The following P4HA1 variants were observed in gnomAD, a reference collection of about 807,000 sequenced individuals.
The protein encoded by P4HA1 is prolyl 4-hydroxylase subunit alpha 1, also known as prolyl 4-hydroxylase subunit alpha-1.
In P4HA1, 24 loss-of-function variants were observed where a neutral mutation model predicts 72.8. The ratio of observed to expected loss-of-function variants is 0.33; its 90% confidence interval spans 0.24 to 0.46. The LOEUF (loss-of-function observed/expected upper bound fraction) is 0.46. P4HA1 is among the 20% of genes least tolerant of loss of function. The pLI is 1.00. For missense variants in P4HA1, 446 were observed against 640.6 expected (o/e 0.70, Z 3.28); for synonymous variants, 201 against 218.8 (o/e 0.92, Z 0.72).
intron 5 of P4HA1, among the ~76,000 whole-genome samples, chr10:73,067,976 A>G (rs574597448): frequency 1.3e-5 from 2 of 152,198 alleles, no homozygotes; most frequent in Non-Finnish European, 2.9e-5. Context: ...AAAACCTGAA[A>G]CCAATTTTAA....
At position 73,073,753 on chromosome 10, in the gene P4HA1, C is replaced by T; in HGVS notation, c.151G>A (p.Asp51Asn). 1 of 1,545,844 alleles carries T rather than the reference C, an allele frequency of 6.5e-7. No individual in the cohort carries two copies. Among genetic ancestry groups the T allele is most frequent in the Non-Finnish European group, 8.9e-7 (1 of 1,118,142 alleles). ...TACTTTTTTATTTGTTCTAACTTGTCCTCTTCTGCCTTAATATAATCTTTC... is the reference window on the plus strand; with the variant it reads ...TACTTTTTTATTTGTTCTAACTTGTTCTCTTCTGCCTTAATATAATCTTTC... ...SLKDYIKAEEDKLEQIKKWAE... is the reference protein window; with the variant it reads ...SLKDYIKAEENKLEQIKKWAE... The change falls in exon 3 of 15, where the codon GAC (aspartate) becomes AAC (asparagine). Residue 51 changes from aspartate to asparagine, a missense_variant. By Grantham distance (23) the Asp-to-Asn change is conservative. Transcript: ENST00000394890.
intron 10 of P4HA1, among the ~76,000 whole-genome samples, chr10:73,020,681 G>C (rs1840113891): frequency 6.6e-6 from 1 of 152,030 alleles, no homozygotes; most frequent in Non-Finnish European, 1.5e-5. Flanking sequence ...AAAAATACTA[G>C]AAAACAAAAC....
chr10:73,008,727 T>C (rs766698703), intron 14 of P4HA1, among the ~76,000 whole-genome samples: 3 of 152,118 alleles, frequency 2.0e-5, no homozygotes, highest in Non-Finnish European at 2.9e-5. Context: ...GGAACAACTC[T>C]CTTATCAACC....
intron 5 of P4HA1, among the ~76,000 whole-genome samples, chr10:73,055,128 G>C (rs1427896663): frequency 1.3e-5 from 2 of 152,116 alleles, no homozygotes; most frequent in Non-Finnish European, 2.9e-5. Context: ...GGCTAGCTGA[G>C]AGGCTAAGGC....
At chr10:73,049,766 A>G (rs1291506150) in intron 7 of P4HA1, among the ~76,000 whole-genome samples, 4 of 152,232 alleles carry the variant, frequency 2.6e-5, no homozygotes, top group African/African-American at 9.6e-5. Context: ...TTCACTAAGC[A>G]ATCTTGTGAA....
At chr10:73,078,100 A>C (rs184278154) in intron 1 of P4HA1, among the ~76,000 whole-genome samples, 2 of 151,690 alleles carry the variant, frequency 1.3e-5, no homozygotes, top group Admixed American at 1.3e-4. Context: ...TTTAAAACTC[A>C]AACTAGAAAA....
chr10:73,032,393 A>AT (rs1043168611), intron 9 of P4HA1, among the ~76,000 whole-genome samples: 11 of 152,048 alleles, frequency 7.2e-5, no homozygotes, highest in African/African-American at 2.4e-4. Context: ...ATCTAATGAC[A>AT]TTTTTCAATT....
intron 3 of P4HA1, 107 bp downstream of exon 3, chr10:73,073,624 T>C (rs1451301161): frequency 1.5e-6 from 1 of 676,512 alleles, no homozygotes; most frequent in African/African-American, 1.8e-5. Flanking sequence ...GCAACTGGCT[T>C]TGTAAGACTC....
At chr10:73,087,522 T>A (rs1841947917) in intron 1 of P4HA1, among the ~76,000 whole-genome samples, 2 of 152,236 alleles carry the variant, frequency 1.3e-5, no homozygotes, top group South Asian at 4.2e-4. Flanking sequence ...CACCTCAGCT[T>A]CCCAAAGTGC....
intron 3 of P4HA1, 137 bp from the exon 4 acceptor site, chr10:73,072,317 TA>T: frequency 3.1e-6 from 2 of 641,484 alleles, no homozygotes; most frequent in Non-Finnish European, 5.3e-6. Context: ...AGTAAAAGTA[TA>T]CGGTCTCGGT....
At chr10:73,037,572 T>TATATATATATATATATA (rs1491362964) in intron 9 of P4HA1, among the ~76,000 whole-genome samples, 1 of 15,380 alleles carries the variant, frequency 6.5e-5, no homozygotes, top group Non-Finnish European at 1.1e-4. Flanking sequence ...TATATATATA[T>TATATATATATATATATA]TTTTTTTTTT....
At chr10:73,011,093 C>G in intron 12 of P4HA1, 56 bp from the exon 13 acceptor site, 1 of 1,291,254 alleles carries the variant, frequency 7.7e-7, no homozygotes, top group Non-Finnish European at 1.1e-6. Context: ...GTAAAACATG[C>G]CATTATATAG....
At position 73,007,230 on chromosome 10, in the gene P4HA1, G is replaced by C. The variant is rs201822090; in HGVS notation, c.*992C>G. On this transcript the variant is annotated 3_prime_UTR_variant, in exon 15 of 15. Transcript: ENST00000394890. ...AGAAAACAAACATTTTTTTAAAAAA[G>C]ATTTAAGATCATAAATAGGTCATTG... The C allele has an allele frequency of 5.3e-5, 8 of 152,332 alleles. No individual in the cohort carries two copies. The highest frequency in any genetic ancestry group is 1.2e-4 in the Non-Finnish European group (8 of 68,012). 9.4% of individuals were successfully genotyped at this position (152,332 alleles called of 1,614,324 possible).
At chr10:73,096,144 G>A (rs1038981428) in intron 1 of P4HA1, among the ~76,000 whole-genome samples, 7 of 152,238 alleles carry the variant, frequency 4.6e-5, no homozygotes, top group Non-Finnish European at 1.0e-4. Context: ...GCTACGAGCA[G>A]AAAGCTCGGC....
intron 5 of P4HA1, among the ~76,000 whole-genome samples, chr10:73,054,258 G>A (rs1028449459): frequency 6.6e-6 from 1 of 152,186 alleles, no homozygotes; most frequent in African/African-American, 2.4e-5. Context: ...GGCAAGAGAT[G>A]AATGTACAGG....
chr10:73,057,353 G>A (rs1841175969), intron 5 of P4HA1, among the ~76,000 whole-genome samples: 1 of 152,066 alleles, frequency 6.6e-6, no homozygotes, highest in Non-Finnish European at 1.5e-5. Context: ...AGCCGGGCGT[G>A]GTGGTGGGTG....
At chr10:73,045,073 T>C in intron 8 of P4HA1, 22 bp from the exon 9 acceptor site, 1 of 1,604,192 alleles carries the variant, frequency 6.2e-7, no homozygotes, top group Non-Finnish European at 8.5e-7. Flanking sequence ...ACCATCAAAA[T>C]AGTTGCATTA....
chr10:73,095,123 CTA>C (rs1384223016), intron 1 of P4HA1, among the ~76,000 whole-genome samples: 1 of 149,846 alleles, frequency 6.7e-6, no homozygotes, highest in African/African-American at 2.5e-5. Context: ...CCAAAACTGA[CTA>C]TGAATTTTAT....
chr10:73,067,589 C>T (rs1385126520), intron 5 of P4HA1, among the ~76,000 whole-genome samples: 4 of 152,168 alleles, frequency 2.6e-5, no homozygotes, highest in Non-Finnish European at 5.9e-5. Context: ...ATACAAACTA[C>T]ATGTTAGTTA....
Sources: gnomAD v4.1 joint callset for allele counts (sites outside exome capture counted in the v4.1 genomes callset) on GRCh38, gnomAD v4.1.1 for gene constraint, MANE v1.5 for transcripts, NCBI Gene and HGNC (gene_info 2026-07-23, HGNC 2026-07-21) for gene names.